Variants in KIF26B observed in about 807,000 individuals in gnomAD.
The protein encoded by KIF26B is kinesin-like protein KIF26B.
Under a neutral mutation model 151.2 loss-of-function variants are expected in KIF26B, and 63 were observed. The ratio of observed to expected loss-of-function variants is 0.42; its 90% CI spans 0.34 to 0.51. The LOEUF (loss-of-function observed/expected upper bound fraction) is 0.51. Among genes scored for constraint, KIF26B ranks in the 20% least tolerant of loss-of-function variants. The pLI, the probability that KIF26B is intolerant of heterozygous loss-of-function variation, is 0.07. For missense variants in KIF26B, 2,813 were observed against 2,913.6 expected, an observed-to-expected ratio of 0.97 and a Z score of 0.79; for synonymous variants, 1,357 against 1,262.1, an observed-to-expected ratio of 1.08 and a Z score of -1.59.
At chr1:245,583,523 C>T (rs950575492) in intron 5 of KIF26B, among the ~76,000 whole-genome samples, 7 of 152,162 alleles carry the variant, frequency 4.6e-5, no homozygotes, top group South Asian at 4.2e-4. Context: ...ATTATATTCT[C>T]GTTTACTCCA....
At position 245,682,838 on chromosome 1, in the gene KIF26B, C is replaced by T. The variant is rs113206595; in HGVS notation, c.2259-1395C>T. On this transcript the variant is annotated intron_variant, in intron 10 of 14. Coordinates refer to ENST00000407071, the MANE Select transcript of KIF26B (RefSeq NM_018012.4). Reference sequence around the variant, plus strand: ...TGCCAGGAATGGGGCCTGGCTTCCTCGTCGAGTGCGGCTGTCCGTGGGTTT... The same window carrying T: ...TGCCAGGAATGGGGCCTGGCTTCCTTGTCGAGTGCGGCTGTCCGTGGGTTT... Among the ~76,000 whole-genome samples, 539 of 152,326 alleles carry T rather than the reference C, an allele frequency of 3.5e-3. 5 individuals carry two copies. The highest frequency in any genetic ancestry group is 0.012 in the African/African-American group (510 of 41,562).
intron 10 of KIF26B, among the ~76,000 whole-genome samples, chr1:245,678,690 C>A (rs186178869): frequency 4.5e-4 from 68 of 151,698 alleles, no homozygotes; most frequent in African/African-American, 1.6e-3. Context: ...GGTGAAATCC[C>A]GTCTCTACTA....
intron 2 of KIF26B, among the ~76,000 whole-genome samples, chr1:245,213,585 C>T (rs1377836820): frequency 1.4e-4 from 22 of 152,158 alleles, no homozygotes; most frequent in Non-Finnish European, 7.4e-5. Flanking sequence ...GGCAGGAAGG[C>T]AGGGCCAGAC....
intron 2 of KIF26B, among the ~76,000 whole-genome samples, chr1:245,228,720 C>T (rs983544577): frequency 1.3e-5 from 2 of 152,166 alleles, no homozygotes; most frequent in Non-Finnish European, 2.9e-5. Flanking sequence ...CTCACTTAAT[C>T]TTCGCAGTAA....
At chr1:245,446,581 A>G (rs532014534) in intron 4 of KIF26B, among the ~76,000 whole-genome samples, 1 of 152,308 alleles carries the variant, frequency 6.6e-6, no homozygotes, top group African/African-American at 2.4e-5. Flanking sequence ...TTAGCCCCCA[A>G]GGCCATCTCC....
intron 4 of KIF26B, among the ~76,000 whole-genome samples, chr1:245,454,668 TGAG>T (rs1431658285): frequency 6.6e-6 from 1 of 152,204 alleles, no homozygotes; most frequent in Admixed American, 6.5e-5. Context: ...AGAAAACTAT[TGAG>T]GAGGCCTCAA....
intron 2 of KIF26B, among the ~76,000 whole-genome samples, chr1:245,186,237 A>G (rs758342824): frequency 6.1e-4 from 93 of 151,924 alleles, no homozygotes; most frequent in Non-Finnish European, 5.1e-4. Flanking sequence ...AGCCACATCA[A>G]CAGAATGCCC....
intron 3 of KIF26B, among the ~76,000 whole-genome samples, chr1:245,399,239 G>T (rs1048551009): frequency 6.6e-6 from 1 of 152,056 alleles, no homozygotes; most frequent in East Asian, 1.9e-4. Context: ...GTTGTTAGAG[G>T]TATTTCTTAT....
At chr1:245,498,561 C>T (rs1660556803) in intron 4 of KIF26B, among the ~76,000 whole-genome samples, 1 of 152,190 alleles carries the variant, frequency 6.6e-6, no homozygotes, top group African/African-American at 2.4e-5. Context: ...TTCTTCCAAG[C>T]TGTGTCAGAG....
At position 245,481,501 on chromosome 1, in the gene KIF26B, G is replaced by A. The variant is rs373535356; in HGVS notation, c.1167-59266G>A. On this transcript the variant is annotated intron_variant, in intron 4 of 14. Transcript: ENST00000407071. ...AACTCAGCATTAAACAAGGAAACTC[G>A]ATGTGTATCCAGCATCACTGAGTGC... 8.6e-5 allele frequency among the ~76,000 whole-genome samples: 13 copies of A among 152,012 alleles called. No individual in the cohort carries two copies. In the East Asian group the frequency reaches 1.5e-3, roughly 18 times the overall value.
intron 10 of KIF26B, among the ~76,000 whole-genome samples, chr1:245,659,958 G>A (rs1269290960): frequency 6.6e-6 from 1 of 151,676 alleles, no homozygotes; most frequent in South Asian, 2.1e-4. Flanking sequence ...TGAGGCAGGC[G>A]AATCGCTTGA....
intron 4 of KIF26B, among the ~76,000 whole-genome samples, chr1:245,508,554 C>T (rs1572097451): frequency 6.6e-6 from 1 of 151,906 alleles, no homozygotes; most frequent in African/African-American, 2.4e-5. Context: ...TTTTTTTAAG[C>T]CAAGTAGATG....
chr1:245,445,727 C>G (rs1659235964), intron 4 of KIF26B, among the ~76,000 whole-genome samples: 1 of 152,210 alleles, frequency 6.6e-6, no homozygotes, highest in African/African-American at 2.4e-5. Context: ...CTTGCTCTCC[C>G]AGGTGTCCAT....
intron 4 of KIF26B, among the ~76,000 whole-genome samples, chr1:245,505,039 A>G (rs1660704623): frequency 6.7e-6 from 1 of 150,280 alleles, no homozygotes; most frequent in Non-Finnish European, 1.5e-5. Flanking sequence ...CCCGGGTTCA[A>G]GCGATTCTCC....
rs529339745 is a variant in KIF26B at position 245,433,020 on chromosome 1, G to A, written c.1166+13275G>A. 2.6e-5 allele frequency among the ~76,000 whole-genome samples: 4 copies of A among 152,288 alleles called. No homozygotes were observed. In the South Asian group the frequency reaches 8.3e-4, roughly 32 times the overall value. On this transcript the variant is annotated intron_variant, in intron 4 of 14. Coordinates refer to ENST00000407071, the MANE Select transcript of KIF26B (RefSeq NM_018012.4). ...TCTGTCCTATTACTCTGTGATGAATGCTTCTTTTATTTTTATCTGAGTCTA... is the reference window on the plus strand; with the variant it reads ...TCTGTCCTATTACTCTGTGATGAATACTTCTTTTATTTTTATCTGAGTCTA...
At chr1:245,612,093 T>TGAGA (rs2043531443) in intron 9 of KIF26B, 117 bp downstream of exon 9, 11 of 726,900 alleles carry the variant, frequency 1.5e-5, no homozygotes, top group East Asian at 1.3e-4. Flanking sequence ...TGTGTGTGTG[T>TGAGA]GTGTGTGTGT....
chr1:245,362,296 A>G (rs1672839491), intron 2 of KIF26B, among the ~76,000 whole-genome samples: 1 of 150,264 alleles, frequency 6.7e-6, no homozygotes, highest in South Asian at 2.1e-4. Flanking sequence ...TGGGAGGCCA[A>G]GGTGGGCAGA....
At chr1:245,643,138 A>G (rs532158692) in intron 9 of KIF26B, among the ~76,000 whole-genome samples, 37 of 152,238 alleles carry the variant, frequency 2.4e-4, no homozygotes, top group Non-Finnish European at 4.9e-4. Context: ...TCAAGCATAT[A>G]GTAGAGCCTC....
intron 2 of KIF26B, among the ~76,000 whole-genome samples, chr1:245,260,241 G>A (rs370003430): frequency 6.6e-6 from 1 of 152,150 alleles, no homozygotes; most frequent in Admixed American, 6.6e-5. Flanking sequence ...GCAGAATCAG[G>A]AAACAGTGCT....
Sources: allele counts gnomAD v4.1 joint callset (sites outside exome capture counted in the v4.1 genomes callset), GRCh38; gene constraint gnomAD v4.1.1; transcripts MANE v1.5; gene names NCBI Gene and HGNC (gene_info 2026-07-23, HGNC 2026-07-21).